TASP1: variants seen among roughly 807,000 people sequenced by gnomAD.
The protein encoded by TASP1 is threonine aspartase 1.
Under a neutral mutation model 56.6 loss-of-function variants are expected in TASP1, and 16 were observed. The observed-to-expected ratio is 0.28, with a 90% CI of 0.19 to 0.43. TASP1 has a LOEUF of 0.43. Among genes scored for constraint, TASP1 ranks in the 20% least tolerant of loss-of-function variants. The pLI is 1.00. For missense variants in TASP1, 393 were observed against 511.6 expected (o/e 0.77, Z 2.24); for synonymous variants, 179 against 184.2 (o/e 0.97, Z 0.23).
chr20:13,197,446 T>A, the TASP1 span, among the ~76,000 whole-genome samples: 2 of 152,210 alleles, frequency 1.3e-5, no homozygotes, highest in Non-Finnish European at 2.9e-5. Flanking sequence ...ATTGCTGGCC[T>A]CTGAATCCCA....
chr20:13,447,572 T>C (rs908215588), intron 11 of TASP1, among the ~76,000 whole-genome samples: 2 of 152,090 alleles, frequency 1.3e-5, no homozygotes, highest in Non-Finnish European at 2.9e-5. Flanking sequence ...TCAGACTTTG[T>C]GCCTGAAAGT....
chr20:13,198,851 T>TTTCTTTCC, the TASP1 span, among the ~76,000 whole-genome samples: 3 of 71,334 alleles, frequency 4.2e-5, no homozygotes, highest in African/African-American at 1.3e-4. Context: ...TCTTTCTTTC[T>TTTCTTTCC]TTCTTTCCTT....
At chr20:13,368,703 C>G in the TASP1 span, 2 of 152,314 alleles carry the variant, frequency 1.3e-5, no homozygotes, top group African/African-American at 4.8e-5. Context: ...GTGAATGATG[C>G]AGACATGAAA....
chr20:13,292,407 A>T, the TASP1 span: 1 of 1,607,104 alleles, frequency 6.2e-7, no homozygotes, highest in Non-Finnish European at 8.5e-7. Context: ...GCTGCCACCG[A>T]AGTGAGTCTG....
the TASP1 span, among the ~76,000 whole-genome samples, chr20:13,383,419 C>G: frequency 1.3e-5 from 2 of 152,322 alleles, no homozygotes; most frequent in South Asian, 4.1e-4. Flanking sequence ...AGTAAAAATT[C>G]AAGGATGTCA....
intron 7 of TASP1, among the ~76,000 whole-genome samples, chr20:13,561,761 G>A (rs920980062): frequency 3.9e-5 from 6 of 152,118 alleles, no homozygotes; most frequent in Non-Finnish European, 5.9e-5. Context: ...GCAAAAGAGG[G>A]TTGAGACAGA....
the TASP1 span, among the ~76,000 whole-genome samples, chr20:13,157,653 C>CACT: frequency 6.6e-6 from 1 of 151,208 alleles, no homozygotes; most frequent in Non-Finnish European, 1.5e-5. Flanking sequence ...AGGCAACAAT[C>CACT]ACTACAAACA....
the TASP1 span, among the ~76,000 whole-genome samples, chr20:13,281,681 G>A: frequency 7.0e-4 from 106 of 152,314 alleles, no homozygotes; most frequent in African/African-American, 2.5e-3. Flanking sequence ...ACAGTAGAAG[G>A]ATCTAGAAAT....
the TASP1 span, among the ~76,000 whole-genome samples, chr20:13,331,977 G>T: frequency 6.6e-6 from 1 of 152,112 alleles, no homozygotes; most frequent in South Asian, 2.1e-4. Flanking sequence ...TGATGCTGGA[G>T]CACGTTTTAA....
At chr20:13,376,235 C>T in the TASP1 span, among the ~76,000 whole-genome samples, 1 of 152,136 alleles carries the variant, frequency 6.6e-6, no homozygotes, top group African/African-American at 2.4e-5. Context: ...TATAATCCAT[C>T]TTGAGTTAAT....
chr20:13,268,119 CT>C, the TASP1 span, among the ~76,000 whole-genome samples: 3 of 110,408 alleles, frequency 2.7e-5, no homozygotes, highest in Admixed American at 2.9e-4. Context: ...CTCCTGTCTT[CT>C]CTTCTCTTCT....
chr20:13,533,959 T>C, intron 9 of TASP1, 63 bp downstream of exon 9: 1 of 1,539,726 alleles, frequency 6.5e-7, no homozygotes, highest in Non-Finnish European at 8.7e-7. Context: ...GTTAAAAAAT[T>C]GTGAGCTAAA....
At chr20:13,292,797 C>T in the TASP1 span, among the ~76,000 whole-genome samples, 490 of 152,232 alleles carry the variant, frequency 3.2e-3, 3 homozygotes, top group Non-Finnish European at 4.9e-3. Context: ...CTTCATTGAG[C>T]GTCCTCAAGA....
intron 11 of TASP1, among the ~76,000 whole-genome samples, chr20:13,447,716 T>C (rs556217841): frequency 2.6e-5 from 4 of 152,148 alleles, no homozygotes; most frequent in Non-Finnish European, 4.4e-5. Flanking sequence ...AGATGTTTTA[T>C]GTGAGAAAAT....
At chr20:13,533,795 C>G (rs1446872344) in intron 9 of TASP1, among the ~76,000 whole-genome samples, 9 of 152,086 alleles carry the variant, frequency 5.9e-5, no homozygotes, top group Non-Finnish European at 1.3e-4. Flanking sequence ...AGGAGAAAAA[C>G]TAGGATCAAC....
At chr20:13,154,257 G>A in the TASP1 span, 60 of 1,312,212 alleles carry the variant, frequency 4.6e-5, no homozygotes, top group South Asian at 2.3e-4. Context: ...GAATTCACTC[G>A]TACGGCTTCT....
the TASP1 span, among the ~76,000 whole-genome samples, chr20:13,137,689 C>G: frequency 2.0e-5 from 3 of 152,106 alleles, no homozygotes; most frequent in African/African-American, 7.2e-5. Context: ...TGTTTAAAAA[C>G]ATAGATAAGT....
chr20:13,518,934 C>T (rs879363334), intron 10 of TASP1, among the ~76,000 whole-genome samples: 5 of 152,032 alleles, frequency 3.3e-5, no homozygotes, highest in Admixed American at 2.0e-4. Flanking sequence ...CCTAGATGCC[C>T]ATCAGTGGTG....
the TASP1 span, among the ~76,000 whole-genome samples, chr20:13,287,372 T>C: frequency 2.0e-5 from 3 of 152,240 alleles, no homozygotes; most frequent in Admixed American, 6.5e-5. Flanking sequence ...ATGGGGAAAC[T>C]GCCCCCATGA....
Sources: allele counts gnomAD v4.1 joint callset (sites outside exome capture counted in the v4.1 genomes callset), GRCh38; gene constraint gnomAD v4.1.1; transcripts MANE v1.5; gene names NCBI Gene and HGNC (gene_info 2026-07-23, HGNC 2026-07-21).